The following PIK3R1 variants were observed in gnomAD, a reference collection of about 807,000 sequenced individuals.
PIK3R1 encodes the protein phosphatidylinositol 3-kinase regulatory subunit alpha.
A neutral mutation model predicts 98.0 loss-of-function variants in PIK3R1; 29 were observed. The ratio of observed to expected loss-of-function variants is 0.30; its 90% CI spans 0.22 to 0.40. The LOEUF is 0.40. Ranked by LOEUF, PIK3R1 falls within the 10% of genes least tolerant of loss-of-function variation. The pLI is 1.00. For missense variants in PIK3R1, 596 were observed against 872.7 expected (o/e 0.68, Z 3.99); for synonymous variants, 282 against 311.8 (o/e 0.90, Z 1.01).
chr5:68,273,780 C>A (rs1746459288), intron 3 of PIK3R1, 159 bp from the exon 4 acceptor site: 2 of 670,740 alleles, frequency 3.0e-6, no homozygotes, highest in Non-Finnish European at 5.2e-6. Context: ...TATCAACATG[C>A]CAGGTAAGAT....
intron 4 of PIK3R1, among the ~76,000 whole-genome samples, chr5:68,276,380 G>A (rs1420656440): frequency 2.0e-5 from 3 of 152,178 alleles, no homozygotes; most frequent in Non-Finnish European, 4.4e-5. Flanking sequence ...CATGGCAGAG[G>A]GCAGGATCCC....
At chr5:68,292,780 A>G in intron 8 of PIK3R1, 2 of 1,254,920 alleles carry the variant, frequency 1.6e-6, no homozygotes, top group Non-Finnish European at 2.0e-6. Flanking sequence ...TTTGTCAGAG[A>G]GATTGTAATG....
At chr5:68,248,264 G>A (rs1435730978) in intron 2 of PIK3R1, among the ~76,000 whole-genome samples, 4 of 152,240 alleles carry the variant, frequency 2.6e-5, no homozygotes, top group Non-Finnish European at 5.9e-5. Flanking sequence ...TTACAGGCAT[G>A]AGCCACCATG....
intron 11 of PIK3R1, 69 bp downstream of exon 11, chr5:68,293,903 AGAAT>A (rs1443538405): frequency 1.6e-6 from 2 of 1,232,346 alleles, no homozygotes; most frequent in Non-Finnish European, 2.3e-6. Context: ...CATGGAAAAA[AGAAT>A]TTAAAAGGTT....
At chr5:68,229,849 G>A (rs959178061) in intron 2 of PIK3R1, among the ~76,000 whole-genome samples, 13 of 152,098 alleles carry the variant, frequency 8.5e-5, no homozygotes, top group South Asian at 6.2e-4. Flanking sequence ...TCTTATATAC[G>A]GCACTGTACT....
intron 2 of PIK3R1, among the ~76,000 whole-genome samples, chr5:68,266,153 C>T (rs1404604767): frequency 6.6e-6 from 1 of 152,218 alleles, no homozygotes; most frequent in Admixed American, 6.5e-5. Context: ...CAGTTCCTCT[C>T]CATCCCCCTG....
Position 68,280,557 on chromosome 5 carries a change from C to T in PIK3R1, c.664C>T (p.Leu222=), listed in dbSNP as rs753918601. ...ACAAAGCTCCGAAGAATATATTCAGCTATTGAAGAAGCTTATTAGGTCGCC... is the reference window on the plus strand; with the variant it reads ...ACAAAGCTCCGAAGAATATATTCAGTTATTGAAGAAGCTTATTAGGTCGCC... ...EVQSSEEYIQ[L]LKKLIRSPSI... is the part of the protein sequence containing the mutation. The change falls in exon 6 of 16, where the codon CTA becomes TTA. Residue 222 remains leucine (L), a synonymous_variant. Coordinates refer to ENST00000521381, the MANE Select transcript of PIK3R1 (RefSeq NM_181523.3). The T allele has an allele frequency of 1.9e-5, 30 of 1,608,342 alleles. No individual in the cohort carries two copies. Among genetic ancestry groups the T allele is most frequent in the Non-Finnish European group, 2.4e-5 (28 of 1,176,034 alleles).
In PIK3R1 at chr5:68,296,135, C is replaced by G. The variant is rs770637255; in HGVS notation, c.1815-36C>G. 5 of 1,608,000 alleles carry G rather than the reference C, an allele frequency of 3.1e-6. No homozygotes were observed. In the East Asian group the frequency reaches 8.9e-5, roughly 29 times the overall value. Reference sequence around the variant, plus strand: ...GCAAGGCAGGCTGATGGCTCCTGCACTCTTCATTTAGAAACTTTCTGTCCT... The same window carrying G: ...GCAAGGCAGGCTGATGGCTCCTGCAGTCTTCATTTAGAAACTTTCTGTCCT... On this transcript the variant is annotated intron_variant, in intron 14 of 15. Coordinates refer to ENST00000521381, the MANE Select transcript of PIK3R1 (RefSeq NM_181523.3).
intron 2 of PIK3R1, chr5:68,239,866 G>C: frequency 2.0e-6 from 1 of 504,844 alleles, no homozygotes; most frequent in Non-Finnish European, 3.9e-6. Flanking sequence ...CAACTGAAAA[G>C]AATAAAGCAG....
chr5:68,290,541 T>C, intron 7 of PIK3R1: 1 of 647,098 alleles, frequency 1.5e-6, no homozygotes. Flanking sequence ...TTAAGGCTGG[T>C]ATGGAAGAGA....
intron 12 of PIK3R1, 52 bp downstream of exon 12, chr5:68,294,730 C>CATTTAAAGATGAT: frequency 1.5e-6 from 2 of 1,293,228 alleles, no homozygotes; most frequent in Non-Finnish European, 2.0e-6. Flanking sequence ...CCTCTAAAAC[C>CATTTAAAGATGAT]ATTTAAAGAT....
intron 7 of PIK3R1, among the ~76,000 whole-genome samples, chr5:68,286,696 C>T (rs529175282): frequency 9.8e-4 from 149 of 152,286 alleles, no homozygotes; most frequent in African/African-American, 3.5e-3. Context: ...ACTTTCTATA[C>T]GTTGAGAGAG....
At chr5:68,236,931 G>A (rs992024049) in intron 2 of PIK3R1, among the ~76,000 whole-genome samples, 11 of 152,204 alleles carry the variant, frequency 7.2e-5, no homozygotes, top group African/African-American at 2.7e-4. Flanking sequence ...TTGGGTATGT[G>A]CATGTAAATG....
At chr5:68,236,163 G>A (rs1049640476) in intron 2 of PIK3R1, among the ~76,000 whole-genome samples, 2 of 151,514 alleles carry the variant, frequency 1.3e-5, no homozygotes, top group African/African-American at 2.4e-5. Flanking sequence ...GAGCCACCAC[G>A]CTGGCCCTGC....
At chr5:68,228,902 CTT>C (rs1268894074) in intron 2 of PIK3R1, among the ~76,000 whole-genome samples, 2 of 152,110 alleles carry the variant, frequency 1.3e-5, no homozygotes, top group South Asian at 2.1e-4. Context: ...GTCATTTTCT[CTT>C]TTTATATCCT....
In PIK3R1 at chr5:68,282,984, G is replaced by A. The variant is rs573150795; in HGVS notation, c.916+1978G>A. Among the ~76,000 whole-genome samples, 6 of 152,312 alleles carry A rather than the reference G, an allele frequency of 3.9e-5. No homozygotes were observed. In the South Asian group the frequency reaches 8.3e-4, roughly 21 times the overall value. ...GTACTGCCCACTCCAGGAACAAAACGTCCCCATCCAGAACATCTTCGTATT... is the reference window on the plus strand; with the variant it reads ...GTACTGCCCACTCCAGGAACAAAACATCCCCATCCAGAACATCTTCGTATT... On this transcript the variant is annotated intron_variant, in intron 7 of 15. Coordinates refer to ENST00000521381, the MANE Select transcript of PIK3R1 (RefSeq NM_181523.3).
In PIK3R1 at chr5:68,301,107, C is replaced by T; in HGVS notation, c.*3506C>T. The T allele has an allele frequency of 4.4e-6, 1 of 229,340 alleles. No homozygotes were observed. Among genetic ancestry groups the T allele is most frequent in the Admixed American group, 5.7e-5 (1 of 17,600 alleles). The allele number at this position is 229,340 out of a possible 1,614,324, so 14.2% of individuals were successfully genotyped here. A position where few individuals can be genotyped will look rare whatever the true frequency, so the allele number is the denominator to read the frequency against. On this transcript the variant is annotated 3_prime_UTR_variant, in exon 16 of 16. Coordinates refer to ENST00000521381, the MANE Select transcript of PIK3R1 (RefSeq NM_181523.3). ...TATGGTATCCAAGTTAGTTGAAACG[C>T]AGACACTGAGATCTGTTTGAGTTTA...
chr5:68,288,603 G>T, intron 7 of PIK3R1: 1 of 1,553,442 alleles, frequency 6.4e-7, no homozygotes, highest in Non-Finnish European at 8.6e-7. Context: ...TCTCGGCGCC[G>T]GACACGAGCA....
chr5:68,246,989 A>G (rs1160167713), intron 2 of PIK3R1, among the ~76,000 whole-genome samples: 1 of 152,234 alleles, frequency 6.6e-6, no homozygotes, highest in African/African-American at 2.4e-5. Flanking sequence ...TGTCTTAGCA[A>G]TAAATCTTGC....
Sources: gnomAD v4.1 joint callset for allele counts (sites outside exome capture counted in the v4.1 genomes callset) on GRCh38, gnomAD v4.1.1 for gene constraint, MANE v1.5 for transcripts, NCBI Gene and HGNC (gene_info 2026-07-23, HGNC 2026-07-21) for gene names.